The following ADAP1 variants were observed in gnomAD, a reference collection of about 807,000 sequenced individuals.
ADAP1 encodes the protein arf-GAP with dual PH domain-containing protein 1.
Under a neutral mutation model 54.9 loss-of-function variants are expected in ADAP1, and 31 were observed. The observed-to-expected ratio is 0.56, with a 90% CI of 0.42 to 0.76. The LOEUF (loss-of-function observed/expected upper bound fraction) is 0.76, where lower values mean the gene tolerates loss of function less well. Ranked by LOEUF, ADAP1 falls within the 30% of genes least tolerant of loss-of-function variation. The pLI is 0.00. For synonymous variants in ADAP1, 313 were observed against 202.6 expected, an observed-to-expected ratio of 1.55 and a Z score of -4.63; for missense variants, 535 against 512.4, an observed-to-expected ratio of 1.04 and a Z score of -0.42.
intron 7 of ADAP1, 40 bp downstream of exon 7, chr7:900,493 C>G (rs1329068271): frequency 6.9e-7 from 1 of 1,454,998 alleles, no homozygotes; most frequent in African/African-American, 1.4e-5. Flanking sequence ...ACCCCACCAC[C>G]CCTGTCTGCC....
intron 4 of ADAP1, among the ~76,000 whole-genome samples, chr7:914,249 GGT>G (rs1167007401): frequency 6.6e-6 from 1 of 152,224 alleles, no homozygotes; most frequent in Non-Finnish European, 1.5e-5. Context: ...GCCAACGTGG[GGT>G]TGTGGGTGTG....
At chr7:923,954 G>T (rs1846279049) in intron 3 of ADAP1, among the ~76,000 whole-genome samples, 1 of 152,086 alleles carries the variant, frequency 6.6e-6, no homozygotes. Context: ...CGCCAGGCTG[G>T]ACGTTTGGGC....
At chr7:906,722 ACG>A (rs1845437356) in intron 4 of ADAP1, among the ~76,000 whole-genome samples, 1 of 22,518 alleles carries the variant, frequency 4.4e-5, no homozygotes, top group Non-Finnish European at 7.9e-5. Context: ...GACATCGGGG[ACG>A]GGACATGGGG....
At chr7:937,808 ATTTG>A (rs1846826180) in intron 1 of ADAP1, among the ~76,000 whole-genome samples, 1 of 151,252 alleles carries the variant, frequency 6.6e-6, no homozygotes. Flanking sequence ...GGCCTCTGGG[ATTTG>A]GGGGTTTTCT....
rs547044630 is a variant in ADAP1, at chr7:946,442, C to T, written c.82+7954G>A. Among the ~76,000 whole-genome samples, 169 of 152,306 alleles carry T rather than the reference C, an allele frequency of 1.1e-3. No individual in the cohort carries two copies. The highest frequency in any genetic ancestry group is 4.0e-3 in the African/African-American group (165 of 41,564). On this transcript the variant is annotated intron_variant, in intron 1 of 10. Coordinates refer to ENST00000265846, the MANE Select transcript of ADAP1 (RefSeq NM_006869.4). This position sits in a 1 kb window ranked among gnomAD's most constrained non-coding sequence, Gnocchi z 4.3. ...AACAGGCCCTCCCAGGACCCAGATC[C>T]GCTGGCCCCTACCCGGTTCAGGGAC...
At chr7:951,156 C>T (rs1583192628) in intron 1 of ADAP1, among the ~76,000 whole-genome samples, 2 of 152,070 alleles carry the variant, frequency 1.3e-5, no homozygotes, top group South Asian at 2.1e-4. Flanking sequence ...GGGTGGATCA[C>T]GAGGTCAGGA....
At chr7:924,508 C>A (rs1202954689) in intron 3 of ADAP1, among the ~76,000 whole-genome samples, 1 of 99,620 alleles carries the variant, frequency 1.0e-5, no homozygotes, top group Non-Finnish European at 2.1e-5. Context: ...CACCCCCCGC[C>A]CTCCAGATTA....
intron 4 of ADAP1, among the ~76,000 whole-genome samples, chr7:907,471 G>C (rs575381613): frequency 6.6e-6 from 1 of 152,256 alleles, no homozygotes; most frequent in South Asian, 2.1e-4. Context: ...GATCGTCCTG[G>C]AGCTCTGCCA....
chr7:928,175 G>T (rs1009494260), intron 2 of ADAP1, among the ~76,000 whole-genome samples: 2 of 151,674 alleles, frequency 1.3e-5, no homozygotes, highest in South Asian at 2.1e-4. Flanking sequence ...GGCTATGGTC[G>T]CACCACTGAA....
chr7:901,089 C>A, intron 6 of ADAP1: 1 of 465,622 alleles, frequency 2.1e-6, no homozygotes, highest in South Asian at 1.6e-5. Context: ...GGAGCTGTGG[C>A]CCCTACCGAG....
chr7:912,879 C>T (rs1845781257), intron 4 of ADAP1, among the ~76,000 whole-genome samples: 1 of 152,188 alleles, frequency 6.6e-6, no homozygotes, highest in African/African-American at 2.4e-5. Flanking sequence ...AAGACAAGGT[C>T]TCTCTGTGGC....
At chr7:925,921 C>T (rs1251183141) in intron 3 of ADAP1, among the ~76,000 whole-genome samples, 1 of 152,210 alleles carries the variant, frequency 6.6e-6, no homozygotes, top group East Asian at 1.9e-4. Context: ...AGTGGGCCAA[C>T]ACGTCTTTCC....
chr7:930,527 T>A (rs938466547), intron 2 of ADAP1, among the ~76,000 whole-genome samples: 9 of 141,750 alleles, frequency 6.3e-5, no homozygotes, highest in African/African-American at 2.3e-4. Context: ...TTTTTTTTTT[T>A]AATTAGCCAG....
chr7:947,673 C>T (rs954164086), intron 1 of ADAP1, among the ~76,000 whole-genome samples: 2 of 152,168 alleles, frequency 1.3e-5, no homozygotes, highest in Non-Finnish European at 2.9e-5. Context: ...ACTCACGCCC[C>T]GCCCTAGGCC....
intron 4 of ADAP1, among the ~76,000 whole-genome samples, chr7:914,152 G>A (rs988982700): frequency 5.3e-5 from 8 of 152,178 alleles, no homozygotes; most frequent in Non-Finnish European, 8.8e-5. Context: ...ACAGCCTCTA[G>A]GAGTTCTTGG....
chr7:910,036 T>G (rs1414980982), intron 4 of ADAP1, among the ~76,000 whole-genome samples: 1 of 151,926 alleles, frequency 6.6e-6, no homozygotes, highest in Non-Finnish European at 1.5e-5. Context: ...AGCATCGCCA[T>G]GACCCACGAG....
At position 920,050 on chromosome 7, in the gene ADAP1, C is replaced by G. The variant is rs748807680; in HGVS notation, c.306G>C (p.Gln102His). The G allele has an allele frequency of 6.2e-7, 1 of 1,605,284 alleles. No homozygotes were observed. The highest frequency in any genetic ancestry group is 8.5e-7 in the Non-Finnish European group (1 of 1,179,282). Residue 102 changes from glutamine (Q) to histidine (H), a missense_variant and splice_region_variant, in exon 4 of 11, where the codon CAG becomes CAC. By Grantham distance (24) the Gln-to-His change is conservative (BLOSUM62 0). Coordinates refer to ENST00000265846, the MANE Select transcript of ADAP1 (RefSeq NM_006869.4). The surrounding 1 kb of genome is among the most constrained non-coding windows in gnomAD (Gnocchi z 4.5). ...FYYRPTPSDC[Q>H]LLREQWIRAK... The stretch of plus-strand genomic sequence containing the variant: ...CCCGGATCCACTGCTCTCGAAGGAG[C>G]CTGTGGGGAGAGGAGAGACTGAGCC...
At chr7:906,901 TGAG>T (rs926984343) in intron 4 of ADAP1, among the ~76,000 whole-genome samples, 5 of 143,284 alleles carry the variant, frequency 3.5e-5, no homozygotes, top group Non-Finnish European at 7.8e-5. Context: ...CAAGCCAGCC[TGAG>T]GACGGCCTGG....
chr7:924,226 A>T lies in ADAP1; in HGVS notation c.305+2327T>A, dbSNP rs376728285. On this transcript the variant is annotated intron_variant, in intron 3 of 10. Coordinates refer to ENST00000265846, the MANE Select transcript of ADAP1 (RefSeq NM_006869.4). The stretch of plus-strand genomic sequence containing the variant: ...GCACCCCCCGCCCTCCAGGTTACAC[A>T]GCAGGTCCATGCTGCACCCCCTCCC... Among the ~76,000 whole-genome samples the T allele has an allele frequency of 1.1e-3, 78 of 74,192 alleles. 1 individual carries two copies. The highest frequency in any genetic ancestry group is 4.5e-3 in the Admixed American group (28 of 6,266). 48.7% of individuals were successfully genotyped at this position (74,192 alleles called of 152,430 possible). A position where few individuals can be genotyped will look rare whatever the true frequency, so the allele number is the denominator to read the frequency against.
Sources: gnomAD v4.1 joint callset for allele counts (sites outside exome capture counted in the v4.1 genomes callset) on GRCh38, gnomAD v4.1.1 for gene constraint, Gnocchi (gnomAD v3.1) non-coding constraint, MANE v1.5 for transcripts, NCBI Gene and HGNC (gene_info 2026-07-23, HGNC 2026-07-21) for gene names.